TXNIP: variants seen among roughly 807,000 people sequenced by gnomAD.
TXNIP encodes thioredoxin-interacting protein.
A neutral mutation model predicts 43.9 loss-of-function variants in TXNIP; 23 were observed. That is an observed-to-expected ratio of 0.52 (90% CI 0.38 to 0.74). The LOEUF (loss-of-function observed/expected upper bound fraction) is 0.74. Ranked by LOEUF, TXNIP falls within the 30% of genes least tolerant of loss-of-function variation. TXNIP has a pLI of 0.00. For synonymous variants in TXNIP, 234 were observed against 172.2 expected (o/e 1.36, Z -2.81); for missense variants, 555 against 485.4 (o/e 1.14, Z -1.35).
At chr1:145,993,922 G>C (rs782694251) in intron 7 of TXNIP, 36 bp from the exon 8 acceptor site, 5 of 1,613,916 alleles carry the variant, frequency 3.1e-6, no homozygotes, top group South Asian at 2.2e-5. Context: ...GTTCAGGTAA[G>C]AACAAAAAGA....
At position 145,993,723 on chromosome 1, in the gene TXNIP, A is replaced by T. The variant is rs1238455155; in HGVS notation, c.*128T>A. ...TTGCCTGCTGACCACCTCCTACATT[A>T]GGAAGTCAGAGGCTAAGGTGGACCC... On this transcript the variant is annotated 3_prime_UTR_variant, in exon 8 of 8. Transcript: ENST00000582401. The T allele has an allele frequency of 5.7e-6, 6 of 1,048,884 alleles. No homozygotes were observed. The highest frequency in any genetic ancestry group is 8.3e-6 in the Non-Finnish European group (6 of 722,608). The allele number at this position is 1,048,884 out of a possible 1,614,324, so 65.0% of individuals were successfully genotyped here. A position where few individuals can be genotyped will look rare whatever the true frequency, so the allele number is the denominator to read the frequency against.
chr1:145,994,477 G>A (rs1553766039), intron 5 of TXNIP, 40 bp from the exon 6 acceptor site: 10 of 1,612,904 alleles, frequency 6.2e-6, no homozygotes, highest in Non-Finnish European at 7.6e-6. Context: ...CAGAGGTCTG[G>A]AGAAACAAGA....
chr1:145,995,634 A>G, intron 1 of TXNIP, 158 bp from the exon 2 acceptor site: 1 of 728,948 alleles, frequency 1.4e-6, no homozygotes, highest in South Asian at 1.8e-5. Flanking sequence ...GTTCTTAAAG[A>G]GAAATTCTGA....
In TXNIP at chr1:145,995,203, CTT is replaced by C. The variant is rs1559266837; in HGVS notation, c.410_411del (p.Gln137ArgfsTer7). 2 of 1,614,116 alleles carry C rather than the reference CTT, an allele frequency of 1.2e-6. No homozygotes were observed. The highest frequency in any genetic ancestry group is 2.2e-5 in the East Asian group (1 of 44,876). Reference protein sequence around the residue: ...AFLDRPSQPTQETKKNFEVVD... With the variant: ...AFLDRPSQPTXETKKNFEVVD... ...ACTACTTCAAAGTTTTTCTTTGTCTCTTGAGTTGGCTGGCTCGGGCGGTCAAG... is the reference window on the plus strand; with the variant it reads ...ACTACTTCAAAGTTTTTCTTTGTCTCGAGTTGGCTGGCTCGGGCGGTCAAG... On this transcript the variant is annotated frameshift_variant, in exon 3 of 8. Transcript: ENST00000582401. LOFTEE classifies it high-confidence loss of function.
chr1:145,996,552 TCC>T lies in TXNIP; in HGVS notation c.-288_-287del. ...GAAAAGATCCGATCTCCACAAGCAC[TCC>T]TTTGGAGAAAAAGAGGGGTTAGTTT... On this transcript the variant is annotated 5_prime_UTR_variant, in exon 1 of 8. Coordinates refer to ENST00000582401, the MANE Select transcript of TXNIP (RefSeq NM_006472.6). 1 of 297,842 alleles carries T rather than the reference TCC, an allele frequency of 3.4e-6. No individual in the cohort carries two copies. The highest frequency in any genetic ancestry group is 3.4e-5 in the South Asian group (1 of 29,074). 18.4% of individuals were successfully genotyped at this position (297,842 alleles called of 1,614,324 possible).
chr1:145,994,830 A>G (rs1383532764), intron 4 of TXNIP, 30 bp from the exon 5 acceptor site: 1 of 1,613,862 alleles, frequency 6.2e-7, no homozygotes, highest in Non-Finnish European at 8.5e-7. Context: ...AAACTTACTG[A>G]TACTCAGTAT....
rs782597548 is a variant in TXNIP, at chr1:145,995,572, G to A, written c.251-96C>T. ...ATGCTTGGGTGGCATGCAAGGTATT[G>A]AAGTACCCCCAATTTCATCCCATAT... On this transcript the variant is annotated intron_variant, in intron 1 of 7. Transcript: ENST00000582401. 15 of 1,069,264 alleles carry A rather than the reference G, an allele frequency of 1.4e-5. No individual in the cohort carries two copies. The African/African-American group carries it at 2.3e-4, about 17-fold the overall frequency. 66.2% of individuals were successfully genotyped at this position (1,069,264 alleles called of 1,614,324 possible).
Position 145,994,370 on chromosome 1 carries a change from G to C in TXNIP, c.899C>G (p.Ser300Ter). 6.2e-7 allele frequency: 1 copy of C among 1,614,168 alleles called. No individual in the cohort carries two copies. Among genetic ancestry groups the C allele is most frequent in the Non-Finnish European group, 8.5e-7 (1 of 1,180,024 alleles). Residue 300 changes from serine to a stop codon, truncating the protein, a stop_gained, in exon 6 of 8, where the codon TCA (serine) becomes TGA (stop). Transcript: ENST00000582401. LOFTEE classifies it high-confidence loss of function. ...LDLPLVIGSR[S>*]GLSSRTSSMA... ...GCTGGATGTTCTGCTGCTTAGACCTGATCTGCTGCCAATTACCAGGGGCAG... is the reference window on the plus strand; with the variant it reads ...GCTGGATGTTCTGCTGCTTAGACCTCATCTGCTGCCAATTACCAGGGGCAG...
intron 5 of TXNIP, 49 bp downstream of exon 5, chr1:145,994,495 G>T: frequency 6.2e-7 from 1 of 1,613,120 alleles, no homozygotes; most frequent in Non-Finnish European, 8.5e-7. Context: ...AGACAGCTGT[G>T]GTAACAGATG....
chr1:145,995,230 G>A lies in TXNIP; in HGVS notation c.385C>T (p.Leu129Phe). 4 of 1,614,058 alleles carry A rather than the reference G, an allele frequency of 2.5e-6. No individual in the cohort carries two copies. The South Asian group carries it at 3.3e-5, about 13-fold the overall frequency. Residue 129 changes from leucine to phenylalanine, a missense_variant, in exon 3 of 8, where the codon CTT becomes TTT. By Grantham distance (22) the Leu-to-Phe change is conservative. Coordinates refer to ENST00000582401, the MANE Select transcript of TXNIP (RefSeq NM_006472.6). ...TGAGTTGGCTGGCTCGGGCGGTCAA[G>A]AAAAGCCTTCACCCAGTAGTCTACA... The part of the protein sequence containing the change: ...GCVDYWVKAF[L>F]DRPSQPTQET...
At position 145,995,423 on chromosome 1, in the gene TXNIP, C is replaced by A. The variant is rs782138216; in HGVS notation, c.304G>T (p.Gly102Cys). Residue 102 changes from glycine (G) to cysteine (C), a missense_variant, in exon 2 of 8, where the codon GGC becomes TGC. Physicochemically the swap from Gly to Cys is radical, Grantham distance 159 (BLOSUM62 -3). Transcript: ENST00000582401. ...ATTTACCCCTGAGGAAGCTCAAAGCCGAACTTGTACTCATATTTGTTTCCA... is the reference window on the plus strand; with the variant it reads ...ATTTACCCCTGAGGAAGCTCAAAGCAGAACTTGTACTCATATTTGTTTCCA... ...RPGNKYEYKF[G>C]FELPQGPLGT... The A allele has an allele frequency of 6.2e-7, 1 of 1,613,800 alleles. No homozygotes were observed. The highest frequency in any genetic ancestry group is 1.1e-5 in the South Asian group (1 of 90,964).
Position 145,995,039 on chromosome 1 carries a change from G to C in TXNIP, c.472-8C>G, listed in dbSNP as rs201495602. ...TTTAGCAGACACAGGTGCCTATATAGAAGGGGATAAAAAGGTGTTTTGAGA... is the reference window on the plus strand; with the variant it reads ...TTTAGCAGACACAGGTGCCTATATACAAGGGGATAAAAAGGTGTTTTGAGA... On this transcript the variant is annotated splice_region_variant and splice_polypyrimidine_tract_variant and intron_variant, in intron 3 of 7. Coordinates refer to ENST00000582401, the MANE Select transcript of TXNIP (RefSeq NM_006472.6). 1 of 1,613,784 alleles carries C rather than the reference G, an allele frequency of 6.2e-7. No homozygotes were observed. Among genetic ancestry groups the C allele is most frequent in the African/African-American group, 1.3e-5 (1 of 74,850 alleles).
intron 1 of TXNIP, 142 bp from the exon 2 acceptor site, chr1:145,995,618 C>A (rs1405143278): frequency 2.9e-5 from 23 of 789,940 alleles, no homozygotes; most frequent in Non-Finnish European, 4.0e-5. Context: ...TAATCCATCC[C>A]ATATTGTTCT....
rs1223609359 is a variant in TXNIP at position 145,994,817 on chromosome 1, T to C, written c.575-17A>G. On this transcript the variant is annotated splice_polypyrimidine_tract_variant and intron_variant, in intron 4 of 7. Coordinates refer to ENST00000582401, the MANE Select transcript of TXNIP (RefSeq NM_006472.6). ...TCTCATCACCTAGCAATGAGAAAGATGAAAACTTACTGATACTCAGTATAG... is the reference window on the plus strand; with the variant it reads ...TCTCATCACCTAGCAATGAGAAAGACGAAAACTTACTGATACTCAGTATAG... The C allele has an allele frequency of 6.2e-7, 1 of 1,614,150 alleles. No homozygotes were observed. The highest frequency in any genetic ancestry group is 8.5e-7 in the Non-Finnish European group (1 of 1,180,014).
At chr1:145,995,672 A>G in intron 1 of TXNIP, 196 bp from the exon 2 acceptor site, 1 of 643,504 alleles carries the variant, frequency 1.6e-6, no homozygotes, top group South Asian at 2.0e-5. Flanking sequence ...CAAGTTGCCA[A>G]GCCCTGCAAT....
intron 7 of TXNIP, 36 bp downstream of exon 7, chr1:145,993,980 T>G: frequency 6.2e-7 from 1 of 1,613,822 alleles, no homozygotes; most frequent in Non-Finnish European, 8.5e-7. Flanking sequence ...ATAGAAAGCT[T>G]AGGACAAATT....
Position 145,993,140 on chromosome 1 carries a change from AAC to A in TXNIP, c.*709_*710del, listed in dbSNP as rs1651248362. ...CATATGAAAATATTTGCAGTAGGAG[AAC>A]ACAGTGCAATAGGCTCCAAAAATGG... On this transcript the variant is annotated 3_prime_UTR_variant, in exon 8 of 8. Coordinates refer to ENST00000582401, the MANE Select transcript of TXNIP (RefSeq NM_006472.6). 1 of 152,668 alleles carries A rather than the reference AAC, an allele frequency of 6.6e-6. No individual in the cohort carries two copies. The highest frequency in any genetic ancestry group is 6.5e-5 in the Admixed American group (1 of 15,276). 9.5% of individuals were successfully genotyped at this position (152,668 alleles called of 1,614,324 possible).
chr1:145,995,088 G>A lies in TXNIP; in HGVS notation c.471+56C>T, dbSNP rs1028826125. On this transcript the variant is annotated intron_variant, in intron 3 of 7. Coordinates refer to ENST00000582401, the MANE Select transcript of TXNIP (RefSeq NM_006472.6). ...GATGCTTCAATCTAATGCCCAAGACGTCTGATTTATCATCCTCATGACCCA... is the reference window on the plus strand; with the variant it reads ...GATGCTTCAATCTAATGCCCAAGACATCTGATTTATCATCCTCATGACCCA... The A allele has an allele frequency of 5.6e-6, 9 of 1,613,028 alleles. No individual in the cohort carries two copies. In the African/African-American group the frequency reaches 6.7e-5, roughly 12 times the overall value.
rs782531970 is a variant in TXNIP at position 145,994,414 on chromosome 1, G to A, written c.855C>T (p.Ser285=). Residue 285 remains serine (S), a synonymous_variant, in exon 6 of 8, where the codon TCC becomes TCT. Coordinates refer to ENST00000582401, the MANE Select transcript of TXNIP (RefSeq NM_006472.6). The part of the protein sequence containing the change: ...SLLIYVSVPG[S]KKVILDLPLV... Reference sequence around the variant, plus strand: ...GGGGCAGGTCAAGGATGACCTTCTTGGATCCAGGAACGCTAACATAGATCT... The same window carrying A: ...GGGGCAGGTCAAGGATGACCTTCTTAGATCCAGGAACGCTAACATAGATCT... 9 of 1,613,892 alleles carry A rather than the reference G, an allele frequency of 5.6e-6. No individual in the cohort carries two copies. Among genetic ancestry groups the A allele is most frequent in the Non-Finnish European group, 7.6e-6 (9 of 1,179,886 alleles).
Sources: allele counts gnomAD v4.1 joint callset, GRCh38; gene constraint gnomAD v4.1.1; transcripts MANE v1.5; gene names NCBI Gene and HGNC (gene_info 2026-07-23, HGNC 2026-07-21).